Variants in TDRD12 observed in about 807,000 individuals in gnomAD.
TDRD12 encodes tudor domain containing 12, also known as putative ATP-dependent RNA helicase TDRD12.
TDRD12 carries 158 observed loss-of-function variants against 133.5 expected under a neutral mutation model. The observed-to-expected ratio is 1.18, with a 90% CI of 1.04 to 1.35. TDRD12 has a LOEUF of 1.35. Ranked by LOEUF, TDRD12 falls within the 40% of genes most tolerant of loss-of-function variation. The probability of loss-of-function intolerance (pLI) is 0.00; values close to 1 mark genes in which losing one functional copy is unlikely to be tolerated. For synonymous variants in TDRD12, 460 were observed against 477.9 expected (o/e 0.96, Z 0.49); for missense variants, 1,443 against 1,321.3 (o/e 1.09, Z -1.43).
chr19:32,749,793 A>C (rs761693362), exon 6 of TDRD12: 1 of 1,549,770 alleles, frequency 6.5e-7, no homozygotes, highest in Non-Finnish European at 8.7e-7. Context: ...GCAACTACCC[A>C]GGTGGAAGCC....
At chr19:32,722,708 C>G (rs1384486611) in intron 1 of TDRD12, among the ~76,000 whole-genome samples, 2 of 144,456 alleles carry the variant, frequency 1.4e-5, no homozygotes, top group Non-Finnish European at 3.0e-5. Flanking sequence ...GAGACGGCGT[C>G]TCGCTCTGTT....
At chr19:32,797,751 T>C (rs1208270865) in exon 15 of TDRD12, 1 of 693,762 alleles carries the variant, frequency 1.4e-6, no homozygotes, top group African/African-American at 1.8e-5. Context: ...GCAGTCATCG[T>C]GTGCCCTGGG....
intron 4 of TDRD12, among the ~76,000 whole-genome samples, chr19:32,746,299 T>A (rs1329548375): frequency 2.0e-5 from 3 of 146,648 alleles, no homozygotes; most frequent in Non-Finnish European, 4.5e-5. Flanking sequence ...ATTCTGTGTG[T>A]GACAGAGGGG....
chr19:32,821,383 T>A (rs1599632519), downstream of TDRD12: 1 of 337,496 alleles, frequency 3.0e-6, no homozygotes, highest in East Asian at 6.2e-5. Context: ...TGTGTGTGTG[T>A]GTGTGTGTGT....
intron 13 of TDRD12, among the ~76,000 whole-genome samples, chr19:32,791,874 G>A (rs1464366012): frequency 6.6e-6 from 1 of 151,864 alleles, no homozygotes; most frequent in African/African-American, 2.4e-5. Flanking sequence ...CCTCCAGTTG[G>A]GCGTTAGTGT....
chr19:32,813,158 GGA>G (rs1286852210), intron 24 of TDRD12, among the ~76,000 whole-genome samples: 3 of 152,226 alleles, frequency 2.0e-5, no homozygotes, highest in Middle Eastern at 3.4e-3. Flanking sequence ...CCTGGGTGGA[GGA>G]GAGAGACCCT....
chr19:32,748,052 C>T (rs1283390444), intron 4 of TDRD12, among the ~76,000 whole-genome samples: 1 of 152,132 alleles, frequency 6.6e-6, no homozygotes, highest in Non-Finnish European at 1.5e-5. Context: ...ATCTGGCTCT[C>T]CCATGACTGC....
exon 1 of TDRD12, chr19:32,720,041 A>C (rs1568438792): frequency 8.4e-6 from 13 of 1,547,196 alleles, no homozygotes; most frequent in Non-Finnish European, 1.7e-6. Context: ...TTCCAGGGCG[A>C]GGGGGCCCAT....
At chr19:32,736,134 T>C (rs190084824) in intron 2 of TDRD12, among the ~76,000 whole-genome samples, 294 of 152,296 alleles carry the variant, frequency 1.9e-3, no homozygotes, top group Middle Eastern at 3.4e-3. Flanking sequence ...CTAGCTCTAC[T>C]CTATCTGCTC....
chr19:32,720,242 A>C, intron 1 of TDRD12, 146 bp downstream of exon 1: 1 of 618,702 alleles, frequency 1.6e-6, no homozygotes, highest in Non-Finnish European at 2.7e-6. Context: ...CCCCGACCCC[A>C]ACCCTACACA....
chr19:32,721,152 A>G (rs1968647799), intron 1 of TDRD12, among the ~76,000 whole-genome samples: 1 of 152,034 alleles, frequency 6.6e-6, no homozygotes, highest in Admixed American at 6.5e-5. Context: ...GCGTTGTTCT[A>G]GTCCTCGGGG....
chr19:32,821,986 G>T (rs963871836), downstream of TDRD12, among the ~76,000 whole-genome samples: 2 of 152,032 alleles, frequency 1.3e-5, no homozygotes, highest in Non-Finnish European at 2.9e-5. Flanking sequence ...TGGGCATGGT[G>T]GGGGGGCACC....
rs1349791351 is a variant in TDRD12 at position 32,719,967 on chromosome 19, C to T, written c.-106C>T. The T allele has an allele frequency of 5.1e-6, 7 of 1,371,082 alleles. No homozygotes were observed. The highest frequency in any genetic ancestry group is 5.0e-5 in the East Asian group (2 of 39,862). 84.9% of individuals were successfully genotyped at this position (1,371,082 alleles called of 1,614,324 possible). On this transcript the variant is annotated 5_prime_UTR_variant, in exon 1 of 28. The change creates a new upstream start codon in the 5' untranslated region. Transcript: ENST00000444215. Reference sequence around the variant, plus strand: ...AGGCGCTAAAGGTGGAGGGAAGGAACGCACTCGCGGCGGGGGCCTGGCCGG... The same window carrying T: ...AGGCGCTAAAGGTGGAGGGAAGGAATGCACTCGCGGCGGGGGCCTGGCCGG...
chr19:32,783,658 T>C (rs1970829492), intron 11 of TDRD12, among the ~76,000 whole-genome samples: 1 of 152,168 alleles, frequency 6.6e-6, no homozygotes, highest in Admixed American at 6.6e-5. Context: ...GGTTTGTAGT[T>C]CTCCTTGAAG....
At chr19:32,808,484 G>T (rs1164018987) in intron 22 of TDRD12, among the ~76,000 whole-genome samples, 3 of 152,074 alleles carry the variant, frequency 2.0e-5, no homozygotes, top group Non-Finnish European at 4.4e-5. Context: ...CTCTCCACCT[G>T]CATCTTCACA....
At position 32,802,167 on chromosome 19, in the gene TDRD12, A is replaced by AT. The variant is rs1284640181; in HGVS notation, c.2197+295dup. On this transcript the variant is annotated intron_variant, in intron 19 of 27. Transcript: ENST00000444215. The stretch of plus-strand genomic sequence containing the variant: ...TATATTATCATATATATATATGATA[A>AT]TATATATCATATATATGATAGTGAT... 9.8e-5 allele frequency among the ~76,000 whole-genome samples: 14 copies of AT among 143,372 alleles called. No homozygotes were observed. In the Middle Eastern group the frequency reaches 0.011, roughly 112 times the overall value. The allele number at this position is 143,372 out of a possible 152,430, so 94.1% of individuals were successfully genotyped here.
intron 8 of TDRD12, among the ~76,000 whole-genome samples, chr19:32,764,230 C>A (rs765703856): frequency 1.0e-4 from 15 of 150,490 alleles, no homozygotes; most frequent in South Asian, 4.3e-4. Flanking sequence ...CCTGCCTCAG[C>A]CTCCTGAGCA....
chr19:32,768,316 T>C (rs1970354111), intron 8 of TDRD12, among the ~76,000 whole-genome samples: 1 of 152,116 alleles, frequency 6.6e-6, no homozygotes, highest in Non-Finnish European at 1.5e-5. Flanking sequence ...TTTAAAGAGA[T>C]TTTTAAGATA....
At chr19:32,749,787 C>T in exon 6 of TDRD12, 1 of 1,548,180 alleles carries the variant, frequency 6.5e-7, no homozygotes, top group Non-Finnish European at 8.7e-7. Flanking sequence ...TATTTAGCAA[C>T]TACCCAGGTG....
Sources: allele counts gnomAD v4.1 joint callset (sites outside exome capture counted in the v4.1 genomes callset), GRCh38; gene constraint gnomAD v4.1.1; transcripts MANE v1.5; gene names NCBI Gene and HGNC (gene_info 2026-07-23, HGNC 2026-07-21).